The following CCDC91 variants were observed in gnomAD, a reference collection of about 807,000 sequenced individuals.
The protein encoded by CCDC91 is coiled-coil domain containing 91.
CCDC91 carries 48 observed loss-of-function variants against 63.2 expected under a neutral mutation model. The observed-to-expected ratio is 0.76, with a 90% CI of 0.60 to 0.97. The LOEUF (loss-of-function observed/expected upper bound fraction) is 0.97. Among genes scored for constraint, CCDC91 ranks in the 50% least tolerant of loss-of-function variants. The probability of loss-of-function intolerance (pLI) is 0.00; values close to 1 mark genes in which losing one functional copy is unlikely to be tolerated. For synonymous variants in CCDC91, 167 were observed against 165.8 expected, an observed-to-expected ratio of 1.01 and a Z score of -0.06; for missense variants, 500 against 494.6, an observed-to-expected ratio of 1.01 and a Z score of -0.10.
chr12:28,483,313 T>G (rs983060759), intron 11 of CCDC91, among the ~76,000 whole-genome samples: 7 of 152,074 alleles, frequency 4.6e-5, no homozygotes, highest in Non-Finnish European at 1.0e-4. Context: ...GTGGTACCTA[T>G]AGATGGGAAT....
chr12:28,371,808 T>G (rs891016413), intron 7 of CCDC91, among the ~76,000 whole-genome samples: 2 of 152,210 alleles, frequency 1.3e-5, no homozygotes, highest in Non-Finnish European at 2.9e-5. Context: ...TTTCGTATCC[T>G]AAATGGTCCT....
At chr12:28,335,969 A>C (rs532923275) in intron 6 of CCDC91, among the ~76,000 whole-genome samples, 2 of 151,598 alleles carry the variant, frequency 1.3e-5, no homozygotes, top group South Asian at 4.2e-4. Flanking sequence ...AAACCACACA[A>C]TTTTTTATCT....
chr12:28,246,283 A>ATCATAGGT (rs1945728102), intron 1 of CCDC91, among the ~76,000 whole-genome samples: 1 of 152,158 alleles, frequency 6.6e-6, no homozygotes, highest in Non-Finnish European at 1.5e-5. Flanking sequence ...AGTCCAGATA[A>ATCATAGGT]GCACAGGGAA....
At chr12:28,325,729 G>A (rs1940929880) in intron 6 of CCDC91, among the ~76,000 whole-genome samples, 2 of 151,912 alleles carry the variant, frequency 1.3e-5, no homozygotes, top group South Asian at 4.1e-4. Flanking sequence ...TATTAAACCA[G>A]TGTTGCTGAA....
At chr12:28,236,820 A>G (rs369928137) in intron 1 of CCDC91, 4 of 152,146 alleles carry the variant, frequency 2.6e-5, no homozygotes, top group African/African-American at 7.2e-5. Flanking sequence ...ATAAAGGTAT[A>G]TAGTATGATG....
chr12:28,214,779 A>G (rs2135563659), intron 1 of CCDC91, among the ~76,000 whole-genome samples: 1 of 152,316 alleles, frequency 6.6e-6, no homozygotes, highest in South Asian at 2.1e-4. Flanking sequence ...ATACATTTCC[A>G]GTTGTAGTCA....
At chr12:28,531,370 G>A (rs889614599) in intron 12 of CCDC91, among the ~76,000 whole-genome samples, 4 of 152,140 alleles carry the variant, frequency 2.6e-5, no homozygotes, top group East Asian at 1.9e-4. Context: ...ATTTCAAAAC[G>A]TATGTAATTT....
At chr12:28,525,361 T>A (rs1296415600) in intron 12 of CCDC91, among the ~76,000 whole-genome samples, 1 of 152,138 alleles carries the variant, frequency 6.6e-6, no homozygotes, top group East Asian at 1.9e-4. Flanking sequence ...GTTAGCCCAA[T>A]GATCATTCGG....
chr12:28,317,984 A>C (rs1940077503), intron 6 of CCDC91, among the ~76,000 whole-genome samples: 1 of 151,934 alleles, frequency 6.6e-6, no homozygotes. Context: ...CACTATCTTT[A>C]TTCTCTGATT....
chr12:28,371,195 G>A (rs551083419), intron 7 of CCDC91, among the ~76,000 whole-genome samples: 37 of 152,168 alleles, frequency 2.4e-4, no homozygotes, highest in African/African-American at 8.4e-4. Context: ...GTACCATTTC[G>A]TGGCCTGTTA....
intron 8 of CCDC91, among the ~76,000 whole-genome samples, chr12:28,411,373 A>G (rs916206069): frequency 8.5e-5 from 13 of 152,232 alleles, no homozygotes; most frequent in Non-Finnish European, 1.3e-4. Flanking sequence ...TCTATATCAC[A>G]TATTTTAATT....
intron 1 of CCDC91, among the ~76,000 whole-genome samples, chr12:28,209,105 C>A: frequency 6.6e-6 from 1 of 152,020 alleles, no homozygotes; most frequent in East Asian, 1.9e-4. Context: ...CATACCTGGC[C>A]CATTATCTTT....
intron 1 of CCDC91, among the ~76,000 whole-genome samples, chr12:28,254,098 A>AT (rs1946291032): frequency 6.6e-6 from 1 of 152,200 alleles, no homozygotes; most frequent in Non-Finnish European, 1.5e-5. Context: ...CTTATAAAAC[A>AT]TTTTTAGAAT....
At chr12:28,478,794 TG>T (rs1162453236) in intron 11 of CCDC91, among the ~76,000 whole-genome samples, 1 of 152,108 alleles carries the variant, frequency 6.6e-6, no homozygotes, top group Non-Finnish European at 1.5e-5. Flanking sequence ...CATCAAAAAG[TG>T]GGCAAAGTAT....
chr12:28,311,885 A>G (rs1343325229), intron 6 of CCDC91, among the ~76,000 whole-genome samples: 2 of 151,818 alleles, frequency 1.3e-5, no homozygotes, highest in Non-Finnish European at 1.5e-5. Flanking sequence ...TCCACTCCCC[A>G]GTTTGGGATA....
chr12:28,493,064 C>T (rs1356821586), intron 12 of CCDC91, among the ~76,000 whole-genome samples: 1 of 151,466 alleles, frequency 6.6e-6, no homozygotes, highest in Non-Finnish European at 1.5e-5. Flanking sequence ...TATAAAAGAA[C>T]CACCATTTAT....
chr12:28,308,591 T>C (rs1332216083), intron 6 of CCDC91, among the ~76,000 whole-genome samples: 1 of 151,984 alleles, frequency 6.6e-6, no homozygotes, highest in African/African-American at 2.4e-5. Context: ...TTGCCTCTTT[T>C]TCCTCAGTCA....
chr12:28,523,984 C>CT (rs1191619798), intron 12 of CCDC91, among the ~76,000 whole-genome samples: 12 of 152,092 alleles, frequency 7.9e-5, no homozygotes, highest in African/African-American at 2.9e-4. Flanking sequence ...AAGAGTAACT[C>CT]TAAGACACAT....
chr12:28,197,058 A>T (rs1265152386), intron 1 of CCDC91, among the ~76,000 whole-genome samples: 1 of 152,164 alleles, frequency 6.6e-6, no homozygotes, highest in African/African-American at 2.4e-5. Context: ...CTTAACTCTG[A>T]TAATTTTTCA....
Sources: gnomAD v4.1 joint callset for allele counts (sites outside exome capture counted in the v4.1 genomes callset) on GRCh38, gnomAD v4.1.1 for gene constraint, MANE v1.5 for transcripts, NCBI Gene and HGNC (gene_info 2026-07-23, HGNC 2026-07-21) for gene names.